AKR1C8: variants seen among roughly 807,000 people sequenced by gnomAD.
The protein encoded by AKR1C8 is aldo-keto reductase family 1 member C-like protein 1.
the AKR1C8 span, among the ~76,000 whole-genome samples, chr10:5,181,925 T>G: frequency 0.087 from 13,214 of 152,160 alleles, 697 homozygotes; most frequent in East Asian, 0.14. Context: ...TAAAAAAACA[T>G]GCAAGACTCA....
At chr10:5,172,631 G>C in the AKR1C8 span, among the ~76,000 whole-genome samples, 1 of 152,064 alleles carries the variant, frequency 6.6e-6, no homozygotes, top group East Asian at 1.9e-4. Context: ...ATTTGGCAGA[G>C]ATAAGTATGA....
chr10:5,129,953 AG>A, the AKR1C8 span, among the ~76,000 whole-genome samples: 1 of 151,932 alleles, frequency 6.6e-6, no homozygotes, highest in Non-Finnish European at 1.5e-5. Flanking sequence ...AAACGAGGAA[AG>A]GACATAACAA....
the AKR1C8 span, among the ~76,000 whole-genome samples, chr10:5,130,748 A>G: frequency 6.6e-6 from 1 of 152,138 alleles, no homozygotes; most frequent in Non-Finnish European, 1.5e-5. Context: ...TACAAGGAAA[A>G]CTATAAAACA....
the AKR1C8 span, among the ~76,000 whole-genome samples, chr10:5,128,375 C>T: frequency 6.6e-6 from 1 of 152,022 alleles, no homozygotes; most frequent in Non-Finnish European, 1.5e-5. Context: ...AACACAACAA[C>T]AGCAACCAAA....
chr10:5,139,213 T>A, the AKR1C8 span, among the ~76,000 whole-genome samples: 1 of 152,112 alleles, frequency 6.6e-6, no homozygotes, highest in East Asian at 1.9e-4. Context: ...ATGGTGAAAA[T>A]GGCCATACTG....
the AKR1C8 span, among the ~76,000 whole-genome samples, chr10:5,164,317 C>A: frequency 6.6e-6 from 1 of 151,970 alleles, no homozygotes; most frequent in African/African-American, 2.4e-5. Context: ...CCATTCAGGC[C>A]CCCTCTCTAC....
chr10:5,182,555 T>A, the AKR1C8 span, among the ~76,000 whole-genome samples: 1 of 152,178 alleles, frequency 6.6e-6, no homozygotes, highest in African/African-American at 2.4e-5. Context: ...GAGGTATTAT[T>A]ATCTGAGGTT....
At chr10:5,153,922 T>A in the AKR1C8 span, among the ~76,000 whole-genome samples, 1 of 152,304 alleles carries the variant, frequency 6.6e-6, no homozygotes, top group East Asian at 1.9e-4. Context: ...ATTACAGGTC[T>A]TTTTTTGTAT....
chr10:5,147,930 G>A, the AKR1C8 span, among the ~76,000 whole-genome samples: 1 of 152,190 alleles, frequency 6.6e-6, no homozygotes, highest in Admixed American at 6.5e-5. Flanking sequence ...TAGAGACTCT[G>A]GGTGGGGCCT....
the AKR1C8 span, among the ~76,000 whole-genome samples, chr10:5,147,459 C>G: frequency 6.6e-6 from 1 of 152,078 alleles, no homozygotes; most frequent in South Asian, 2.1e-4. Context: ...AAGTCAAAAA[C>G]AAGTTATTTG....
At chr10:5,155,103 A>G in the AKR1C8 span, 7 of 152,270 alleles carry the variant, frequency 4.6e-5, no homozygotes, top group East Asian at 5.8e-4. Flanking sequence ...AGGGCCAAGA[A>G]AGACATAAAT....
At chr10:5,139,410 G>T in the AKR1C8 span, among the ~76,000 whole-genome samples, 1 of 152,108 alleles carries the variant, frequency 6.6e-6, no homozygotes, top group African/African-American at 2.4e-5. Flanking sequence ...ATACTACAAG[G>T]CTACAGTAAC....
chr10:5,145,780 G>C, the AKR1C8 span, among the ~76,000 whole-genome samples: 1 of 152,164 alleles, frequency 6.6e-6, no homozygotes. Context: ...CATTGTGGAA[G>C]TCAGTGTGGC....
chr10:5,116,468 T>C, the AKR1C8 span, among the ~76,000 whole-genome samples: 1 of 152,260 alleles, frequency 6.6e-6, no homozygotes, highest in South Asian at 2.1e-4. Flanking sequence ...TCCTGGACCG[T>C]GAATCCTGGC....
the AKR1C8 span, among the ~76,000 whole-genome samples, chr10:5,145,327 A>G: frequency 6.6e-6 from 1 of 152,184 alleles, no homozygotes; most frequent in African/African-American, 2.4e-5. Context: ...AATGGCAACA[A>G]AAGACAAAAT....
the AKR1C8 span, among the ~76,000 whole-genome samples, chr10:5,122,785 C>T: frequency 3.9e-5 from 6 of 152,052 alleles, no homozygotes; most frequent in African/African-American, 1.2e-4. Flanking sequence ...AATGCTTTTT[C>T]TGGGGCAAAC....
the AKR1C8 span, among the ~76,000 whole-genome samples, chr10:5,174,584 C>G: frequency 2.0e-5 from 3 of 151,948 alleles, no homozygotes; most frequent in African/African-American, 4.8e-5. Context: ...AACCACACCT[C>G]TAACTATACT....
the AKR1C8 span, among the ~76,000 whole-genome samples, chr10:5,141,616 AT>A: frequency 1.3e-5 from 2 of 152,158 alleles, no homozygotes; most frequent in Admixed American, 6.5e-5. Flanking sequence ...AAGAATAAAT[AT>A]TGTGAAAGCA....
chr10:5,184,367 T>TA, the AKR1C8 span, among the ~76,000 whole-genome samples: 13 of 152,222 alleles, frequency 8.5e-5, no homozygotes, highest in African/African-American at 3.1e-4. Flanking sequence ...AAACTTCAGA[T>TA]AATCCCTCAA....
Sources: gnomAD v4.1 joint callset for allele counts (sites outside exome capture counted in the v4.1 genomes callset) on GRCh38, gnomAD v4.1.1 for gene constraint, MANE v1.5 for transcripts, NCBI Gene and HGNC (gene_info 2026-07-23, HGNC 2026-07-21) for gene names.